The following LAMA2 variants were observed in gnomAD, a reference collection of about 807,000 sequenced individuals.
The protein encoded by LAMA2 is laminin subunit alpha 2, also known as laminin subunit alpha-2.
LAMA2 carries 269 observed loss-of-function variants against 364.8 expected under a neutral mutation model. The observed-to-expected ratio is 0.74, with a 90% confidence interval of 0.67 to 0.82. The LOEUF is 0.82. Among genes scored for constraint, LAMA2 ranks in the 40% least tolerant of loss-of-function variants. LAMA2 has a pLI of 0.00. For synonymous variants in LAMA2, 1,379 were observed against 1,370.6 expected (o/e 1.01, Z -0.14); for missense variants, 3,807 against 3,873.2 (o/e 0.98, Z 0.45).
intron 20 of LAMA2, chr6:129,292,858 C>G: frequency 1.0e-6 from 1 of 985,806 alleles, no homozygotes; most frequent in Non-Finnish European, 1.2e-6. Flanking sequence ...GACTGCGATC[C>G]CGTTGGCTCT....
At chr6:129,391,401 G>C in intron 35 of LAMA2, 90 bp from the exon 36 acceptor site, 1 of 1,068,654 alleles carries the variant, frequency 9.4e-7, no homozygotes, top group Non-Finnish European at 1.5e-6. Context: ...TCTTCATTTG[G>C]AGATGGTGGT....
In LAMA2 at chr6:129,247,678, A is replaced by G. The variant is rs558763842; in HGVS notation, c.1783-2434A>G. ...AAATGGAAGTAAAACAGCTTCGCTC[A>G]TGACAATTTTCAGGCAATTCAAAAT... On this transcript the variant is annotated intron_variant, in intron 12 of 64. Transcript: ENST00000421865. Among the ~76,000 whole-genome samples the G allele has an allele frequency of 2.6e-5, 4 of 152,354 alleles. No homozygotes were observed. In the East Asian group the frequency reaches 7.7e-4, roughly 29 times the overall value.
intron 4 of LAMA2, among the ~76,000 whole-genome samples, chr6:129,119,222 T>C (rs1270590006): frequency 1.3e-5 from 2 of 152,224 alleles, no homozygotes; most frequent in Non-Finnish European, 2.9e-5. Flanking sequence ...ACATGGTGTT[T>C]ATGATTTGTT....
At chr6:129,457,494 A>C (rs1783030647) in intron 48 of LAMA2, among the ~76,000 whole-genome samples, 1 of 152,062 alleles carries the variant, frequency 6.6e-6, no homozygotes, top group African/African-American at 2.4e-5. Context: ...AACCTTAGAC[A>C]AGTCACTTAA....
intron 58 of LAMA2, among the ~76,000 whole-genome samples, chr6:129,497,489 C>T (rs1220248630): frequency 6.6e-6 from 1 of 152,144 alleles, no homozygotes; most frequent in Non-Finnish European, 1.5e-5. Context: ...CCTGCCTCAG[C>T]CTGCCAAAGT....
chr6:129,056,443 A>T (rs1352007658), intron 2 of LAMA2, among the ~76,000 whole-genome samples: 1 of 152,200 alleles, frequency 6.6e-6, no homozygotes, highest in Non-Finnish European at 1.5e-5. Context: ...CCTCATCTCT[A>T]TGGACTGCTA....
chr6:129,293,370 A>G (rs1471200964), intron 20 of LAMA2, among the ~76,000 whole-genome samples: 1 of 152,244 alleles, frequency 6.6e-6, no homozygotes, highest in African/African-American at 2.4e-5. Context: ...TAGAAATGGA[A>G]GAGACTTCAG....
At chr6:129,058,267 T>C (rs1487946215) in intron 2 of LAMA2, among the ~76,000 whole-genome samples, 3 of 152,146 alleles carry the variant, frequency 2.0e-5, no homozygotes, top group African/African-American at 4.8e-5. Context: ...CAAAATGCAA[T>C]GAGGGCTTGG....
At chr6:128,963,354 T>C (rs747920259) in intron 1 of LAMA2, among the ~76,000 whole-genome samples, 4 of 152,174 alleles carry the variant, frequency 2.6e-5, no homozygotes, top group Non-Finnish European at 2.9e-5. Flanking sequence ...AAAATGTATG[T>C]AGAAAATGCT....
intron 29 of LAMA2, among the ~76,000 whole-genome samples, chr6:129,332,203 G>A (rs1234704086): frequency 6.6e-6 from 1 of 151,990 alleles, no homozygotes; most frequent in African/African-American, 2.4e-5. Context: ...GGTGTGGGGA[G>A]GTAATTTTTC....
intron 1 of LAMA2, among the ~76,000 whole-genome samples, chr6:128,984,634 G>A (rs931508472): frequency 1.4e-5 from 2 of 145,410 alleles, no homozygotes; most frequent in Non-Finnish European, 3.0e-5. Context: ...AGGTTCTTTT[G>A]TAGAGATGAG....
At position 129,320,620 on chromosome 6, in the gene LAMA2, G is replaced by A; in HGVS notation, c.4141G>A (p.Asp1381Asn). 6.2e-7 allele frequency: 1 copy of A among 1,613,130 alleles called. No individual in the cohort carries two copies. The highest frequency in any genetic ancestry group is 1.7e-5 in the Admixed American group (1 of 59,986). ...TPPADLIEKCDCPLGYSGLSC... is the reference protein window; with the variant it reads ...TPPADLIEKCNCPLGYSGLSC... ...TCCAGCTGACTTGATTGAAAAATGT[G>A]ATTGTCCCCTGGGCTATTCTGGCCT... Residue 1381 changes from aspartate to asparagine, a missense_variant, in exon 28 of 65, where the codon GAT (aspartate) becomes AAT (asparagine). Coordinates refer to ENST00000421865, the MANE Select transcript of LAMA2 (RefSeq NM_000426.4).
intron 32 of LAMA2, among the ~76,000 whole-genome samples, chr6:129,364,891 C>T (rs1312368495): frequency 6.6e-6 from 1 of 152,198 alleles, no homozygotes; most frequent in Non-Finnish European, 1.5e-5. Flanking sequence ...GAAGGCAAAG[C>T]TGGAGCAGGC....
chr6:129,509,360 G>A (rs909379423), intron 62 of LAMA2, among the ~76,000 whole-genome samples: 2 of 152,028 alleles, frequency 1.3e-5, no homozygotes, highest in Non-Finnish European at 2.9e-5. Context: ...TTAACTTGAT[G>A]TGATCCCATT....
chr6:129,460,031 T>C (rs1783169225), intron 48 of LAMA2, among the ~76,000 whole-genome samples, 169 bp from the exon 49 acceptor site: 1 of 152,048 alleles, frequency 6.6e-6, no homozygotes, highest in Non-Finnish European at 1.5e-5. Flanking sequence ...GTAGTAGCTC[T>C]AAGGATACGG....
At chr6:129,336,897 A>G (rs78055215) in intron 29 of LAMA2, among the ~76,000 whole-genome samples, 1 of 152,186 alleles carries the variant, frequency 6.6e-6, no homozygotes, top group Admixed American at 6.5e-5. Context: ...AAATATTCAG[A>G]TAATATAAAG....
chr6:129,149,762 C>T (rs950297088), intron 7 of LAMA2, among the ~76,000 whole-genome samples: 2 of 152,120 alleles, frequency 1.3e-5, no homozygotes, highest in Non-Finnish European at 2.9e-5. Flanking sequence ...AAAAAAGTTG[C>T]ATCTGTACTG....
Position 129,398,472 on chromosome 6 carries a change from CTTTTTT to C in LAMA2, c.5446-2737_5446-2732del, listed in dbSNP as rs71028159. 4.5e-5 allele frequency among the ~76,000 whole-genome samples: 5 copies of C among 110,512 alleles called. No homozygotes were observed. The East Asian group carries it at 8.0e-4, about 18-fold the overall frequency. 72.5% of individuals were successfully genotyped at this position (110,512 alleles called of 152,430 possible). On this transcript the variant is annotated intron_variant, in intron 37 of 64. Coordinates refer to ENST00000421865, the MANE Select transcript of LAMA2 (RefSeq NM_000426.4). ...TTTTCTTTTTTCTTTCTTTTCTTTT[CTTTTTT>C]TTTTTTTTTTTTTTGAGACAGAGTT... is the stretch of plus-strand genomic sequence containing the variant.
intron 1 of LAMA2, among the ~76,000 whole-genome samples, chr6:128,893,343 C>A (rs1316553123): frequency 6.6e-6 from 1 of 151,652 alleles, no homozygotes; most frequent in Admixed American, 6.6e-5. Context: ...TGCTCCACCC[C>A]CTTTCTTTGT....
Sources: allele counts gnomAD v4.1 joint callset (sites outside exome capture counted in the v4.1 genomes callset), GRCh38; gene constraint gnomAD v4.1.1; transcripts MANE v1.5; gene names NCBI Gene and HGNC (gene_info 2026-07-23, HGNC 2026-07-21).